The following SIGLEC7 variants were observed in gnomAD, a reference collection of about 807,000 sequenced individuals.
SIGLEC7 encodes the protein sialic acid-binding Ig-like lectin 7.
A neutral mutation model predicts 40.8 loss-of-function variants in SIGLEC7; 33 were observed. The ratio of observed to expected loss-of-function variants is 0.81; its 90% CI spans 0.61 to 1.08. SIGLEC7 has a LOEUF of 1.08. Among genes scored for constraint, SIGLEC7 ranks in the 50% least tolerant of loss-of-function variants. The pLI, the probability that SIGLEC7 is intolerant of heterozygous loss-of-function variation, is 0.00. For synonymous variants in SIGLEC7, 242 were observed against 237.6 expected, an observed-to-expected ratio of 1.02 and a Z score of -0.17; for missense variants, 513 against 576.1, an observed-to-expected ratio of 0.89 and a Z score of 1.12.
intron 5 of SIGLEC7, 168 bp downstream of exon 5, chr19:51,147,018 C>T (rs1212787408): frequency 1.0e-6 from 1 of 994,484 alleles, no homozygotes; most frequent in Non-Finnish European, 1.5e-6. Context: ...CTGTGGGGCT[C>T]CACATCTGTG....
chr19:51,144,506 GC>G lies in SIGLEC7; in HGVS notation c.539del (p.Pro180LeufsTer2). The G allele has an allele frequency of 1.9e-6, 3 of 1,613,690 alleles. No individual in the cohort carries two copies. Among genetic ancestry groups the G allele is most frequent in the Non-Finnish European group, 1.7e-6 (2 of 1,180,002 alleles). Reference protein sequence around the residue: ...SVPWACEQGTPPMISWMGTSV... With the variant: ...SVPWACEQGTXPMISWMGTSV... ...TGCCCTGGGCCTGTGAGCAGGGGAC[GC>G]CCCCTATGATCTCCTGGATGGGGAC... is the stretch of plus-strand genomic sequence containing the variant. On this transcript the variant is annotated frameshift_variant, in exon 2 of 7. Transcript: ENST00000317643. LOFTEE classifies it high-confidence loss of function.
intron 5 of SIGLEC7, 171 bp downstream of exon 5, chr19:51,147,021 C>T: frequency 1.0e-6 from 1 of 998,694 alleles, no homozygotes; most frequent in South Asian, 1.6e-5. Flanking sequence ...TGGGGCTCCA[C>T]ATCTGTGGTG....
chr19:51,151,614 CAAG>C (rs2092144152), intron 6 of SIGLEC7, among the ~76,000 whole-genome samples: 1 of 152,136 alleles, frequency 6.6e-6, no homozygotes, highest in Non-Finnish European at 1.5e-5. Context: ...AAGAGGTTGC[CAAG>C]AAGGTGAGGT....
rs2092090378 is a variant in SIGLEC7 at position 51,144,283 on chromosome 19, T to C, written c.434-123T>C. On this transcript the variant is annotated intron_variant, in intron 1 of 6. Transcript: ENST00000317643. ...AAAGCCTGGGATGGGGCCCCTGCCC[T>C]GGGAGAGGGCTGAGGGTGAAGCGAG... 3.3e-6 allele frequency: 5 copies of C among 1,497,800 alleles called. No homozygotes were observed. The South Asian group carries it at 5.3e-5, about 16-fold the overall frequency. The allele number at this position is 1,497,800 out of a possible 1,614,324, so 92.8% of individuals were successfully genotyped here.
chr19:51,142,455 C>G lies in SIGLEC7; in HGVS notation c.86C>G (p.Thr29Arg), dbSNP rs140841032. The change falls in exon 1 of 7, where the codon ACG (threonine) becomes AGG (arginine). Residue 29 changes from threonine to arginine, a missense_variant. Transcript: ENST00000317643. This position sits in a 1 kb window ranked among gnomAD's most constrained non-coding sequence, Gnocchi z 5.0. Reference sequence around the variant, plus strand: ...AGTAACCGGAAGGATTACTCGCTGACGATGCAGAGTTCCGTGACCGTGCAA... The same window carrying G: ...AGTAACCGGAAGGATTACTCGCTGAGGATGCAGAGTTCCGTGACCGTGCAA... ...QKSNRKDYSL[T>R]MQSSVTVQEG... The G allele has an allele frequency of 4.3e-6, 7 of 1,613,986 alleles. No homozygotes were observed. Among genetic ancestry groups the G allele is most frequent in the Non-Finnish European group, 3.4e-6 (4 of 1,180,028 alleles).
Position 51,145,741 on chromosome 19 carries a change from A to G in SIGLEC7, c.761-114A>G. On this transcript the variant is annotated intron_variant, in intron 3 of 6. Transcript: ENST00000317643. The surrounding 1 kb of genome is among the most constrained non-coding windows in gnomAD (Gnocchi z 4.3). Reference sequence around the variant, plus strand: ...CCAACAGTGAGCGGTGAACATAAGTATGTCCCTGCACCAGCCTACATCACT... The same window carrying G: ...CCAACAGTGAGCGGTGAACATAAGTGTGTCCCTGCACCAGCCTACATCACT... 1 of 1,205,272 alleles carries G rather than the reference A, an allele frequency of 8.3e-7. No individual in the cohort carries two copies. Among genetic ancestry groups the G allele is most frequent in the Non-Finnish European group, 1.2e-6 (1 of 850,300 alleles). 74.7% of individuals were successfully genotyped at this position (1,205,272 alleles called of 1,614,324 possible).
At position 51,142,342 on chromosome 19, in the gene SIGLEC7, C is replaced by T. The variant is rs999831182; in HGVS notation, c.-28C>T. The T allele has an allele frequency of 1.1e-5, 18 of 1,603,340 alleles. No individual in the cohort carries two copies. The highest frequency in any genetic ancestry group is 6.7e-5 in the African/African-American group (5 of 74,842). The stretch of plus-strand genomic sequence containing the variant: ...GAACCCTGAGGAACAGACGTTCCCT[C>T]GCGGCCCTGGCACCTCCAACCCCAG... On this transcript the variant is annotated 5_prime_UTR_variant, in exon 1 of 7. Transcript: ENST00000317643. The surrounding 1 kb of genome is among the most constrained non-coding windows in gnomAD (Gnocchi z 5.0).
In SIGLEC7 at chr19:51,144,537, G is replaced by T. The variant is rs1344620870; in HGVS notation, c.565G>T (p.Val189Leu). Reference protein sequence around the residue: ...PPMISWMGTSVSPLHPSTTRS... With the variant: ...PPMISWMGTSLSPLHPSTTRS... ...TATGATCTCCTGGATGGGGACCTCT[G>T]TGTCCCCCCTGCACCCCTCCACCAC... The change falls in exon 2 of 7, where the codon GTG (valine) becomes TTG (leucine). Residue 189 changes from valine (V) to leucine (L), a missense_variant. Physicochemically the swap from Val to Leu is conservative, Grantham distance 32. Coordinates refer to ENST00000317643, the MANE Select transcript of SIGLEC7 (RefSeq NM_014385.4). 1.9e-6 allele frequency: 3 copies of T among 1,613,650 alleles called. No homozygotes were observed. The highest frequency in any genetic ancestry group is 2.7e-5 in the African/African-American group (2 of 74,904).
intron 6 of SIGLEC7, among the ~76,000 whole-genome samples, chr19:51,149,427 T>C (rs2092130511): frequency 6.6e-6 from 1 of 152,184 alleles, no homozygotes; most frequent in Non-Finnish European, 1.5e-5. Flanking sequence ...CCCCATTGCT[T>C]TTTTTTGTCA....
chr19:51,146,698 A>G, intron 4 of SIGLEC7, 56 bp from the exon 5 acceptor site: 1 of 1,493,578 alleles, frequency 6.7e-7, no homozygotes, highest in Admixed American at 1.7e-5. Flanking sequence ...AAGTGGGAGG[A>G]GAAGAGACCC....
rs1448791568 is a variant in SIGLEC7, at chr19:51,144,483, C to T, written c.511C>T (p.Pro171Ser). 4 of 1,613,778 alleles carry T rather than the reference C, an allele frequency of 2.5e-6. No homozygotes were observed. The highest frequency in any genetic ancestry group is 1.7e-4 in the Middle Eastern group (1 of 6,060). The change falls in exon 2 of 7, where the codon CCC becomes TCC. Residue 171 changes from proline to serine, a missense_variant. Transcript: ENST00000317643. ...CTTCCAGAATCTGACCTGCTCTGTG[C>T]CCTGGGCCTGTGAGCAGGGGACGCC... ...GCFQNLTCSV[P>S]WACEQGTPPM...
chr19:51,142,592 A>C lies in SIGLEC7; in HGVS notation c.223A>C (p.Lys75Gln). 1 of 1,614,196 alleles carries C rather than the reference A, an allele frequency of 6.2e-7. No homozygotes were observed. The highest frequency in any genetic ancestry group is 8.5e-7 in the Non-Finnish European group (1 of 1,180,044). Reference protein sequence around the residue: ...WFRAGNDISWKAPVATNNPAW... With the variant: ...WFRAGNDISWQAPVATNNPAW... ...CCGGGCAGGGAATGATATAAGCTGG[A>C]AGGCTCCAGTGGCCACAAACAACCC... The change falls in exon 1 of 7, where the codon AAG becomes CAG. Residue 75 changes from lysine to glutamine, a missense_variant. Lys to Gln is a moderately conservative substitution (Grantham distance 53). Transcript: ENST00000317643. The surrounding 1 kb of genome is among the most constrained non-coding windows in gnomAD (Gnocchi z 5.0).
chr19:51,146,856 C>A lies in SIGLEC7; in HGVS notation c.1124+6C>A, dbSNP rs756615265. On this transcript the variant is annotated splice_donor_region_variant and intron_variant, in intron 5 of 6. Transcript: ENST00000317643. The stretch of plus-strand genomic sequence containing the variant: ...TTCTGTGTCATCTTCATTGTGTGAG[C>A]ACTGACCCTAGGGAGGGAGGGAGAG... 1.9e-6 allele frequency: 3 copies of A among 1,612,798 alleles called. No homozygotes were observed. The East Asian group carries it at 6.7e-5, about 36-fold the overall frequency.
chr19:51,143,340 C>T (rs1324614822), intron 1 of SIGLEC7, among the ~76,000 whole-genome samples: 1 of 152,126 alleles, frequency 6.6e-6, no homozygotes, highest in Non-Finnish European at 1.5e-5. Context: ...CAGGGAGACT[C>T]AGCACACGGC....
In SIGLEC7 at chr19:51,145,807, C is replaced by G; in HGVS notation, c.761-48C>G. 1 of 1,605,486 alleles carries G rather than the reference C, an allele frequency of 6.2e-7. No individual in the cohort carries two copies. The highest frequency in any genetic ancestry group is 8.5e-7 in the Non-Finnish European group (1 of 1,174,026). ...CAGTCTCATTCTGTATCCTTCCTCC[C>G]TGTTTCAATCACTTTGTCTCTTTGA... On this transcript the variant is annotated intron_variant, in intron 3 of 6. Coordinates refer to ENST00000317643, the MANE Select transcript of SIGLEC7 (RefSeq NM_014385.4). This position sits in a 1 kb window ranked among gnomAD's most constrained non-coding sequence, Gnocchi z 4.3.
chr19:51,145,724 G>A lies in SIGLEC7; in HGVS notation c.761-131G>A, dbSNP rs927485331. ...TGGGCAAGTTTACATTCCCAACAGT[G>A]AGCGGTGAACATAAGTATGTCCCTG... On this transcript the variant is annotated intron_variant, in intron 3 of 6. Coordinates refer to ENST00000317643, the MANE Select transcript of SIGLEC7 (RefSeq NM_014385.4). This position sits in a 1 kb window ranked among gnomAD's most constrained non-coding sequence, Gnocchi z 4.3. 5 of 1,015,856 alleles carry A rather than the reference G, an allele frequency of 4.9e-6. No homozygotes were observed. The highest frequency in any genetic ancestry group is 3.2e-5 in the African/African-American group (2 of 62,120). The allele number at this position is 1,015,856 out of a possible 1,614,324, so 62.9% of individuals were successfully genotyped here.
Position 51,153,094 on chromosome 19 carries a change from AC to A in SIGLEC7, c.1258del (p.Arg420AspfsTer58). On this transcript the variant is annotated frameshift_variant, in exon 7 of 7. Coordinates refer to ENST00000317643, the MANE Select transcript of SIGLEC7 (RefSeq NM_014385.4). LOFTEE classifies it low-confidence loss of function (END_TRUNC). ...GNLTESWADDNPRHHGLAAHS... is the reference protein window; with the variant it reads ...GNLTESWADDXPRHHGLAAHS... ...CTGACTGAGTCCTGGGCAGATGATA[AC>A]CCCCGACACCATGGCCTGGCTGCCC... is the stretch of plus-strand genomic sequence containing the variant. The A allele has an allele frequency of 6.3e-7, 1 of 1,599,444 alleles. No individual in the cohort carries two copies. The highest frequency in any genetic ancestry group is 8.5e-7 in the Non-Finnish European group (1 of 1,173,218).
rs1181587235 is a variant in SIGLEC7, at chr19:51,142,391, C to T, written c.22C>T (p.Pro8Ser). ...AGATATGCTGCTGCTGCTGCTGCTG[C>T]CCCTGCTCTGGGGGAGGGAGAGGGT... MLLLLLL[P>S]LLWGRERVEG... Residue 8 changes from proline to serine, a missense_variant, in exon 1 of 7, where the codon CCC becomes TCC. Pro to Ser is a moderately conservative substitution (Grantham distance 74). Coordinates refer to ENST00000317643, the MANE Select transcript of SIGLEC7 (RefSeq NM_014385.4). This position sits in a 1 kb window ranked among gnomAD's most constrained non-coding sequence, Gnocchi z 5.0. The T allele has an allele frequency of 1.9e-6, 3 of 1,613,906 alleles. No homozygotes were observed. The Admixed American group carries it at 5.0e-5, about 27-fold the overall frequency.
In SIGLEC7 at chr19:51,153,084, G is replaced by C; in HGVS notation, c.1243G>C (p.Ala415Pro). 7 of 1,595,612 alleles carry C rather than the reference G, an allele frequency of 4.4e-6. No individual in the cohort carries two copies. The highest frequency in any genetic ancestry group is 6.0e-6 in the Non-Finnish European group (7 of 1,170,980). ...ASQGNLTESW[A>P]DDNPRHHGLA... Reference sequence around the variant, plus strand: ...TCAGGGTAACCTGACTGAGTCCTGGGCAGATGATAACCCCCGACACCATGG... The same window carrying C: ...TCAGGGTAACCTGACTGAGTCCTGGCCAGATGATAACCCCCGACACCATGG... Residue 415 changes from alanine to proline, a missense_variant, in exon 7 of 7, where the codon GCA (alanine) becomes CCA (proline). Transcript: ENST00000317643.
Sources: allele counts gnomAD v4.1 joint callset (sites outside exome capture counted in the v4.1 genomes callset), GRCh38; gene constraint gnomAD v4.1.1; non-coding constraint Gnocchi (gnomAD v3.1); transcripts MANE v1.5; gene names NCBI Gene and HGNC (gene_info 2026-07-23, HGNC 2026-07-21).